Variants in GRID1 observed in about 807,000 individuals in gnomAD.
The protein encoded by GRID1 is glutamate receptor ionotropic, delta-1.
Under a neutral mutation model 98.0 loss-of-function variants are expected in GRID1, and 28 were observed. The observed-to-expected ratio is 0.29, with a 90% CI of 0.21 to 0.39. The LOEUF (loss-of-function observed/expected upper bound fraction) is 0.39, where lower values mean the gene tolerates loss of function less well. Among genes scored for constraint, GRID1 ranks in the 10% least tolerant of loss-of-function variants. GRID1 has a pLI of 1.00. For missense variants in GRID1, 1,111 were observed against 1,340.5 expected, an observed-to-expected ratio of 0.83 and a Z score of 2.67; for synonymous variants, 553 against 538.5, an observed-to-expected ratio of 1.03 and a Z score of -0.37.
At chr10:85,795,000 TA>T (rs1337602035) in intron 8 of GRID1, among the ~76,000 whole-genome samples, 1 of 152,054 alleles carries the variant, frequency 6.6e-6, no homozygotes, top group African/African-American at 2.4e-5. Context: ...TAAATATTTA[TA>T]AAGACACAGA....
At chr10:86,132,663 A>G (rs1461569031) in intron 4 of GRID1, among the ~76,000 whole-genome samples, 3 of 152,256 alleles carry the variant, frequency 2.0e-5, no homozygotes, top group African/African-American at 7.2e-5. Flanking sequence ...AAATATTTGC[A>G]TATATCATGT....
chr10:85,882,512 T>C (rs911631633), intron 5 of GRID1, among the ~76,000 whole-genome samples: 2 of 152,052 alleles, frequency 1.3e-5, no homozygotes, highest in African/African-American at 4.8e-5. Context: ...CTCAGCAAAC[T>C]ATCGCAAGGA....
intron 5 of GRID1, among the ~76,000 whole-genome samples, chr10:85,903,332 T>C (rs984835784): frequency 1.3e-4 from 20 of 152,220 alleles, no homozygotes; most frequent in African/African-American, 4.3e-4. Context: ...AGAATCATAC[T>C]TGATGTTTCT....
chr10:85,877,118 G>A lies in GRID1; in HGVS notation c.781-7938C>T, dbSNP rs1331527365. ...AAAGCAGCAGGGAAGCTCCAACTGG[G>A]TGGAGCCCACCACAGCTCAGGGAGG... On this transcript the variant is annotated intron_variant, in intron 5 of 15. Coordinates refer to ENST00000327946, the MANE Select transcript of GRID1 (RefSeq NM_017551.3). Among the ~76,000 whole-genome samples the A allele has an allele frequency of 3.3e-5, 5 of 152,382 alleles. No homozygotes were observed. In the East Asian group the frequency reaches 9.6e-4, roughly 29 times the overall value.
intron 13 of GRID1, among the ~76,000 whole-genome samples, chr10:85,641,100 G>A (rs1011311649): frequency 6.6e-6 from 1 of 152,160 alleles, no homozygotes; most frequent in Non-Finnish European, 1.5e-5. Context: ...TTAAATATTA[G>A]GTCTGATTTA....
chr10:86,186,801 C>A (rs1252591002), intron 3 of GRID1, among the ~76,000 whole-genome samples: 1 of 152,238 alleles, frequency 6.6e-6, no homozygotes, highest in Non-Finnish European at 1.5e-5. Context: ...TGGGTGACAA[C>A]CCCAGAGCAC....
chr10:85,959,098 T>C (rs1244346359), intron 4 of GRID1, among the ~76,000 whole-genome samples: 1 of 152,250 alleles, frequency 6.6e-6, no homozygotes, highest in Non-Finnish European at 1.5e-5. Flanking sequence ...TCTTTCAGAC[T>C]GGAACTGACA....
intron 12 of GRID1, among the ~76,000 whole-genome samples, chr10:85,683,701 A>G (rs976766096): frequency 6.6e-6 from 1 of 152,246 alleles, no homozygotes; most frequent in African/African-American, 2.4e-5. Context: ...AAATATTCCT[A>G]TAACTATTAA....
chr10:85,767,021 T>G (rs566570643), intron 8 of GRID1, among the ~76,000 whole-genome samples: 2 of 152,150 alleles, frequency 1.3e-5, no homozygotes, highest in African/African-American at 4.8e-5. Context: ...CCCTCTTGTT[T>G]CCTGTAGTCA....
chr10:86,043,404 C>G (rs1004148888), intron 4 of GRID1, among the ~76,000 whole-genome samples: 16 of 152,232 alleles, frequency 1.1e-4, no homozygotes, highest in Middle Eastern at 3.2e-3. Context: ...GGGCATGGAG[C>G]TGCACCTGGA....
intron 2 of GRID1, among the ~76,000 whole-genome samples, chr10:86,283,809 T>C (rs769172118): frequency 7.1e-6 from 1 of 140,952 alleles, no homozygotes; most frequent in Non-Finnish European, 1.5e-5. Flanking sequence ...CACACACCTG[T>C]ATATACACAT....
chr10:85,748,793 C>A (rs116029954), intron 8 of GRID1, among the ~76,000 whole-genome samples: 2,238 of 152,270 alleles, frequency 0.015, 58 homozygotes, highest in African/African-American at 0.05. Flanking sequence ...ACCTAATAGA[C>A]AACTCAGAGT....
chr10:86,246,858 G>T (rs532045405), intron 2 of GRID1, among the ~76,000 whole-genome samples: 1 of 152,372 alleles, frequency 6.6e-6, no homozygotes, highest in South Asian at 2.1e-4. Flanking sequence ...CTCAATTTCA[G>T]TAACAATCAC....
chr10:86,030,846 G>A (rs1238714037), intron 4 of GRID1, among the ~76,000 whole-genome samples: 1 of 152,188 alleles, frequency 6.6e-6, no homozygotes, highest in Non-Finnish European at 1.5e-5. Flanking sequence ...CAAGCTGGGA[G>A]CTTGCACAGG....
intron 4 of GRID1, among the ~76,000 whole-genome samples, chr10:85,973,132 T>C (rs1842428624): frequency 6.6e-6 from 1 of 152,212 alleles, no homozygotes. Context: ...ATACCTTTTG[T>C]CCAGTGTTAA....
intron 8 of GRID1, among the ~76,000 whole-genome samples, chr10:85,784,917 A>G (rs1417285487): frequency 6.6e-6 from 1 of 152,150 alleles, no homozygotes; most frequent in Non-Finnish European, 1.5e-5. Flanking sequence ...TTTCAGCCTC[A>G]CTTTCCTGTC....
rs140323952 is a variant in GRID1 at position 86,078,265 on chromosome 10, G to A, written c.726+60554C>T. Among the ~76,000 whole-genome samples the A allele has an allele frequency of 1.6e-3, 248 of 152,388 alleles. 2 individuals are homozygous for A. Among genetic ancestry groups the A allele is most frequent in the African/African-American group, 5.5e-3 (228 of 41,602 alleles). ...GATGTGCTTAGCAAAGCCCTGGAACGATTTTAATGGACAACACAATTGATC... is the reference window on the plus strand; with the variant it reads ...GATGTGCTTAGCAAAGCCCTGGAACAATTTTAATGGACAACACAATTGATC... On this transcript the variant is annotated intron_variant, in intron 4 of 15. Transcript: ENST00000327946.
intron 2 of GRID1, among the ~76,000 whole-genome samples, chr10:86,240,671 C>G (rs1381854882): frequency 6.6e-6 from 1 of 152,168 alleles, no homozygotes; most frequent in Admixed American, 6.5e-5. Context: ...CAACTGCTCC[C>G]CTATGGAATG....
rs544100967 is a variant in GRID1, at chr10:85,735,686, G to A, written c.1234-6072C>T. ...AAGTGTCATTCTCTTTTCATGGGGAGGAAGAATAGAAACGGGTGGCAATCT... is the reference window on the plus strand; with the variant it reads ...AAGTGTCATTCTCTTTTCATGGGGAAGAAGAATAGAAACGGGTGGCAATCT... On this transcript the variant is annotated intron_variant, in intron 8 of 15. Transcript: ENST00000327946. Among the ~76,000 whole-genome samples, 142 of 152,034 alleles carry A rather than the reference G, an allele frequency of 9.3e-4. 1 individual carries two copies. Among genetic ancestry groups the A allele is most frequent in the Non-Finnish European group, 2.6e-4 (18 of 68,010 alleles).
Sources: allele counts gnomAD v4.1 joint callset (sites outside exome capture counted in the v4.1 genomes callset), GRCh38; gene constraint gnomAD v4.1.1; transcripts MANE v1.5; gene names NCBI Gene and HGNC (gene_info 2026-07-23, HGNC 2026-07-21).